SULF2: variants seen among roughly 807,000 people sequenced by gnomAD.
SULF2 encodes the protein extracellular sulfatase Sulf-2.
In SULF2, 52 loss-of-function variants were observed where a neutral mutation model predicts 107.7. That is an observed-to-expected ratio of 0.48 (90% CI 0.39 to 0.61). SULF2 has a LOEUF of 0.61. Ranked by LOEUF, SULF2 falls within the 20% of genes least tolerant of loss-of-function variation. The pLI is 0.00. For synonymous variants in SULF2, 460 were observed against 464.3 expected (o/e 0.99, Z 0.12); for missense variants, 993 against 1,177.3 (o/e 0.84, Z 2.29).
chr20:47,724,519 C>G (rs1004711630), intron 3 of SULF2, among the ~76,000 whole-genome samples: 6 of 152,156 alleles, frequency 3.9e-5, no homozygotes, highest in Admixed American at 6.5e-5. Context: ...TCCAGCCATC[C>G]GCTCCCTAGA....
chr20:47,660,514 A>G lies in SULF2; in HGVS notation c.2495-784T>C, dbSNP rs540275270. Reference sequence around the variant, plus strand: ...CCTCCTAGACACAGTCCCTTCCCCAAGGGACCTTAAATACCAAAGGTTTTT... The same window carrying G: ...CCTCCTAGACACAGTCCCTTCCCCAGGGGACCTTAAATACCAAAGGTTTTT... On this transcript the variant is annotated intron_variant, in intron 18 of 20. Transcript: ENST00000688720. Among the ~76,000 whole-genome samples, 4 of 152,274 alleles carry G rather than the reference A, an allele frequency of 2.6e-5. No homozygotes were observed. The South Asian group carries it at 8.3e-4, about 32-fold the overall frequency.
chr20:47,762,696 G>C (rs1355119473), intron 1 of SULF2, among the ~76,000 whole-genome samples: 2 of 152,234 alleles, frequency 1.3e-5, no homozygotes, highest in African/African-American at 4.8e-5. Context: ...TGTGATGCCA[G>C]GGTACAGGGG....
intron 4 of SULF2, among the ~76,000 whole-genome samples, chr20:47,701,373 G>A (rs907736170): frequency 7.9e-5 from 12 of 152,186 alleles, no homozygotes; most frequent in South Asian, 2.1e-4. Flanking sequence ...GAAGAGATGC[G>A]CGGTGAAACA....
At position 47,736,718 on chromosome 20, in the gene SULF2, T is replaced by G. The variant is rs2089739533; in HGVS notation, c.400A>C (p.Thr134Pro). The G allele has an allele frequency of 6.2e-7, 1 of 1,614,154 alleles. No homozygotes were observed. The change falls in exon 3 of 21, where the codon ACT (threonine) becomes CCT (proline). Residue 134 changes from threonine to proline, a missense_variant. Around this residue, in one of 3 missense-constraint regions of SULF2, gnomAD observed 388 missense variants for 449.2 expected, o/e 0.86. Transcript: ENST00000688720. ...CCCTGCTCACCTGTCCGGTAGCCAG[T>G]GCTATTGAGGTACACGGCAAAGGTG... is the stretch of plus-strand genomic sequence containing the variant. The part of the protein sequence containing the change: ...SRTFAVYLNS[T>P]GYRTAFFGKY...
Position 47,745,382 on chromosome 20 carries a change from GAA to G in SULF2, c.176-8442_176-8441del, listed in dbSNP as rs1158560282. 4.1e-3 allele frequency among the ~76,000 whole-genome samples: 211 copies of G among 51,976 alleles called. 2 individuals are homozygous for G. Among genetic ancestry groups the G allele is most frequent in the Non-Finnish European group, 6.6e-3 (158 of 23,900 alleles). 34.1% of individuals were successfully genotyped at this position (51,976 alleles called of 152,430 possible). ...CTCAGGGTTGTTCTGAGTTTTGAGG[GAA>G]AAAAAAAAAAAAAAAAAAAAAAAAA... On this transcript the variant is annotated intron_variant, in intron 2 of 20. Coordinates refer to ENST00000688720, the MANE Select transcript of SULF2 (RefSeq NM_001387048.1).
intron 11 of SULF2, among the ~76,000 whole-genome samples, chr20:47,668,431 T>C (rs928794086): frequency 5.3e-5 from 8 of 152,192 alleles, no homozygotes; most frequent in African/African-American, 1.9e-4. Context: ...GAAGCCACAC[T>C]ACCTGCTCTC....
intron 2 of SULF2, among the ~76,000 whole-genome samples, chr20:47,739,621 C>T (rs546838747): frequency 2.6e-5 from 4 of 152,320 alleles, no homozygotes; most frequent in South Asian, 4.1e-4. Flanking sequence ...TCTGCTTCCC[C>T]GCTCCGTGTC....
At chr20:47,728,642 C>G (rs2089513129) in intron 3 of SULF2, among the ~76,000 whole-genome samples, 1 of 149,830 alleles carries the variant, frequency 6.7e-6, no homozygotes, top group Non-Finnish European at 1.5e-5. Flanking sequence ...AGGGAGCTGG[C>G]ATTTTATTTA....
At chr20:47,664,703 A>G (rs967646989) in intron 14 of SULF2, among the ~76,000 whole-genome samples, 3 of 152,202 alleles carry the variant, frequency 2.0e-5, no homozygotes, top group African/African-American at 2.4e-5. Context: ...GGCTACTTCA[A>G]TTTGAATTAA....
At chr20:47,781,294 T>C (rs1004203550) in intron 1 of SULF2, among the ~76,000 whole-genome samples, 4 of 152,262 alleles carry the variant, frequency 2.6e-5, no homozygotes, top group Admixed American at 2.6e-4. Flanking sequence ...TGGCCCATCA[T>C]CGCAGGCACT....
chr20:47,727,711 T>C (rs2089482913), intron 3 of SULF2, among the ~76,000 whole-genome samples: 1 of 152,166 alleles, frequency 6.6e-6, no homozygotes, highest in African/African-American at 2.4e-5. Flanking sequence ...GGGTGGCGTC[T>C]TATCACAGGC....
At chr20:47,669,406 G>C (rs2087388721) in intron 11 of SULF2, among the ~76,000 whole-genome samples, 1 of 152,168 alleles carries the variant, frequency 6.6e-6, no homozygotes, top group Admixed American at 6.5e-5. Flanking sequence ...CCTGTGCGTT[G>C]CAAGATGTTT....
intron 2 of SULF2, among the ~76,000 whole-genome samples, chr20:47,743,150 G>A (rs2089929010): frequency 6.6e-6 from 1 of 151,976 alleles, no homozygotes; most frequent in Non-Finnish European, 1.5e-5. Flanking sequence ...TGATGGCAGG[G>A]CCTCCTAGGG....
intron 1 of SULF2, among the ~76,000 whole-genome samples, chr20:47,765,384 A>AC (rs2090510206): frequency 6.8e-6 from 1 of 147,754 alleles, no homozygotes; most frequent in African/African-American, 2.5e-5. Context: ...AAAAAAAAAA[A>AC]CAGGAGAGAG....
intron 9 of SULF2, chr20:47,676,828 T>C: frequency 3.0e-6 from 2 of 676,410 alleles, no homozygotes; most frequent in Non-Finnish European, 4.9e-6. Context: ...ATTGCATGAG[T>C]TGGCAATAAA....
intron 14 of SULF2, among the ~76,000 whole-genome samples, chr20:47,664,531 A>G (rs1457991280): frequency 6.6e-6 from 1 of 152,110 alleles, no homozygotes; most frequent in Non-Finnish European, 1.5e-5. Context: ...TTAATTTTAC[A>G]TGTCAAAGCC....
chr20:47,662,944 C>T (rs2087131803), intron 17 of SULF2, 126 bp downstream of exon 17: 2 of 1,082,390 alleles, frequency 1.8e-6, no homozygotes, highest in Admixed American at 2.2e-5. Flanking sequence ...ACAACTTACT[C>T]CCACCGGCTC....
chr20:47,680,544 G>A lies in SULF2; in HGVS notation c.1065-1740C>T, dbSNP rs1327617684. Among the ~76,000 whole-genome samples, 5 of 152,216 alleles carry A rather than the reference G, an allele frequency of 3.3e-5. No individual in the cohort carries two copies. In the East Asian group the frequency reaches 7.7e-4, roughly 23 times the overall value. ...TCCCCGCTAGTTCCCTGGGGACCAG[G>A]GCAGGGCCTGGGTCCTAGGGTTTCC... is the stretch of plus-strand genomic sequence containing the variant. On this transcript the variant is annotated intron_variant, in intron 7 of 20. Transcript: ENST00000688720. The surrounding 1 kb of genome is among the most constrained non-coding windows in gnomAD (Gnocchi z 4.2).
At chr20:47,751,761 C>T (rs972159946) in intron 2 of SULF2, among the ~76,000 whole-genome samples, 1 of 152,204 alleles carries the variant, frequency 6.6e-6, no homozygotes, top group Non-Finnish European at 1.5e-5. Flanking sequence ...TTACATCACT[C>T]GTAACTGAGA....
Sources: allele counts gnomAD v4.1 joint callset (sites outside exome capture counted in the v4.1 genomes callset), GRCh38; gene constraint gnomAD v4.1.1; regional missense constraint gnomAD v4.1.1; non-coding constraint Gnocchi (gnomAD v3.1); transcripts MANE v1.5; gene names NCBI Gene and HGNC (gene_info 2026-07-23, HGNC 2026-07-21).